The following BBOX1 variants were observed in gnomAD, a reference collection of about 807,000 sequenced individuals.
BBOX1 encodes the protein gamma-butyrobetaine hydroxylase 1.
Under a neutral mutation model 41.6 loss-of-function variants are expected in BBOX1, and 35 were observed. That is an observed-to-expected ratio of 0.84 (90% CI 0.64 to 1.11). BBOX1 has a LOEUF of 1.11. Among genes scored for constraint, BBOX1 ranks in the 50% most tolerant of loss-of-function variants. The pLI is 0.00. For synonymous variants in BBOX1, 163 were observed against 154.7 expected (o/e 1.05, Z -0.40); for missense variants, 458 against 460.6 (o/e 0.99, Z 0.05).
intron 4 of BBOX1, among the ~76,000 whole-genome samples, chr11:27,085,270 G>A (rs1857990997): frequency 1.3e-5 from 2 of 152,238 alleles, no homozygotes; most frequent in Admixed American, 6.5e-5. Context: ...CACAGATACT[G>A]CATTTTTTAC....
intron 2 of BBOX1, among the ~76,000 whole-genome samples, chr11:27,049,748 A>T (rs1851610802): frequency 6.6e-6 from 1 of 152,176 alleles, no homozygotes; most frequent in African/African-American, 2.4e-5. Flanking sequence ...TAAAATAAGT[A>T]AAAACATAGA....
chr11:27,048,628 C>G (rs1284002895), intron 2 of BBOX1, among the ~76,000 whole-genome samples: 1 of 151,884 alleles, frequency 6.6e-6, no homozygotes, highest in African/African-American at 2.4e-5. Context: ...TTAGTTGATT[C>G]CATGTTTGGG....
intron 4 of BBOX1, among the ~76,000 whole-genome samples, chr11:27,091,662 G>T (rs1007717099): frequency 6.6e-6 from 1 of 151,904 alleles, no homozygotes; most frequent in African/African-American, 2.4e-5. Flanking sequence ...TGGAAAGACT[G>T]TAGTTCTTTC....
In BBOX1 at chr11:27,078,397, G is replaced by A. The variant is rs554458051; in HGVS notation, c.335-14771G>A. ...TGCAGTTTTGTTACAATGTATACAT[G>A]TACCATAGTGGTTTGCTGCACCCAT... On this transcript the variant is annotated intron_variant, in intron 4 of 8. Coordinates refer to ENST00000263182, the MANE Select transcript of BBOX1 (RefSeq NM_003986.3). Among the ~76,000 whole-genome samples the A allele has an allele frequency of 7.2e-5, 11 of 151,922 alleles. No individual in the cohort carries two copies. In the East Asian group the frequency reaches 1.8e-3, roughly 24 times the overall value.
At chr11:27,119,602 A>T (rs947145484) in intron 6 of BBOX1, 47 bp from the exon 7 acceptor site, 7 of 1,043,038 alleles carry the variant, frequency 6.7e-6, no homozygotes, top group Non-Finnish European at 7.5e-6. Flanking sequence ...CTAATAATTA[A>T]AATGTAATTT....
At chr11:27,066,564 A>T (rs1270128276) in intron 4 of BBOX1, 1 of 151,544 alleles carries the variant, frequency 6.6e-6, no homozygotes, top group Non-Finnish European at 1.5e-5. Context: ...TTGGAGTTGC[A>T]GTTATCTTCA....
chr11:27,054,199 GTGTGTC>G (rs922724113), intron 2 of BBOX1, among the ~76,000 whole-genome samples: 8 of 107,342 alleles, frequency 7.5e-5, no homozygotes, highest in Admixed American at 2.3e-4. Context: ...CTGTGTGTGT[GTGTGTC>G]TGTGTGTGTG....
intron 4 of BBOX1, among the ~76,000 whole-genome samples, chr11:27,077,534 A>C (rs1857673061): frequency 6.6e-6 from 1 of 151,796 alleles, no homozygotes; most frequent in Non-Finnish European, 1.5e-5. Context: ...CTTGGAAAAA[A>C]GTTCACAGTG....
intron 3 of BBOX1, among the ~76,000 whole-genome samples, chr11:27,055,875 G>A (rs1856965596): frequency 6.6e-6 from 1 of 152,124 alleles, no homozygotes; most frequent in African/African-American, 2.4e-5. Context: ...AATTTGCAGT[G>A]TTACTTGTCT....
chr11:27,101,130 C>G (rs949670786), intron 5 of BBOX1, among the ~76,000 whole-genome samples: 2 of 152,082 alleles, frequency 1.3e-5, no homozygotes, highest in Admixed American at 6.6e-5. Flanking sequence ...TTATACCATG[C>G]TACTATGGTG....
intron 2 of BBOX1, among the ~76,000 whole-genome samples, chr11:27,052,473 T>C (rs948824159): frequency 6.6e-6 from 1 of 152,212 alleles, no homozygotes; most frequent in African/African-American, 2.4e-5. Context: ...AAACTCCTTA[T>C]CTTGCTATGC....
At chr11:27,082,823 C>T (rs570130083) in intron 4 of BBOX1, among the ~76,000 whole-genome samples, 12 of 152,166 alleles carry the variant, frequency 7.9e-5, no homozygotes, top group East Asian at 7.7e-4. Flanking sequence ...TATTATTTTA[C>T]GTGTAATTCT....
At chr11:27,080,720 A>G (rs1157372432) in intron 4 of BBOX1, among the ~76,000 whole-genome samples, 3 of 152,136 alleles carry the variant, frequency 2.0e-5, no homozygotes, top group Non-Finnish European at 4.4e-5. Flanking sequence ...TCACTGAAGT[A>G]AGAATCAAAG....
intron 5 of BBOX1, among the ~76,000 whole-genome samples, chr11:27,100,442 T>A (rs1388146836): frequency 6.6e-6 from 1 of 152,152 alleles, no homozygotes; most frequent in Non-Finnish European, 1.5e-5. Flanking sequence ...GCCTGAGTTC[T>A]AAATTTAATT....
intron 7 of BBOX1, among the ~76,000 whole-genome samples, chr11:27,120,086 A>T (rs1241214438): frequency 1.3e-5 from 2 of 152,128 alleles, no homozygotes; most frequent in East Asian, 3.9e-4. Context: ...CTTCATTTTT[A>T]GAATATAAGT....
chr11:27,055,731 T>A lies in BBOX1; in HGVS notation c.219+82T>A, dbSNP rs1244838792. ...CAACAATAATTTAGATAACTCTTTT[T>A]TATTTGGTCACGCATATATAACCGC... On this transcript the variant is annotated intron_variant, in intron 3 of 8. Coordinates refer to ENST00000263182, the MANE Select transcript of BBOX1 (RefSeq NM_003986.3). 4.4e-6 allele frequency: 6 copies of A among 1,349,620 alleles called. No individual in the cohort carries two copies. In the East Asian group the frequency reaches 1.2e-4, roughly 28 times the overall value. The allele number at this position is 1,349,620 out of a possible 1,614,324, so 83.6% of individuals were successfully genotyped here.
chr11:27,115,118 C>G (rs1859210812), intron 5 of BBOX1, among the ~76,000 whole-genome samples: 1 of 151,970 alleles, frequency 6.6e-6, no homozygotes, highest in Non-Finnish European at 1.5e-5. Flanking sequence ...GATTCATTTT[C>G]TGTTATGTGA....
intron 2 of BBOX1, among the ~76,000 whole-genome samples, chr11:27,042,635 A>T (rs1220861283): frequency 6.6e-6 from 1 of 152,070 alleles, no homozygotes; most frequent in African/African-American, 2.4e-5. Context: ...AGGCCACTGT[A>T]CCTGGCTTCT....
At chr11:27,042,672 C>T (rs941996610) in intron 2 of BBOX1, among the ~76,000 whole-genome samples, 3 of 152,062 alleles carry the variant, frequency 2.0e-5, no homozygotes, top group African/African-American at 7.2e-5. Context: ...TCATTATTCA[C>T]ATGAGAATAT....
Sources: allele counts gnomAD v4.1 joint callset (sites outside exome capture counted in the v4.1 genomes callset), GRCh38; gene constraint gnomAD v4.1.1; transcripts MANE v1.5; gene names NCBI Gene and HGNC (gene_info 2026-07-23, HGNC 2026-07-21).